Variants in SLC25A43 observed in about 807,000 individuals in gnomAD.
SLC25A43 encodes solute carrier family 25, member 43.
A neutral mutation model predicts 22.8 loss-of-function variants in SLC25A43; 10 were observed. The ratio of observed to expected loss-of-function variants is 0.44; its 90% confidence interval spans 0.27 to 0.74. The LOEUF (loss-of-function observed/expected upper bound fraction) is 0.74, where lower values mean the gene tolerates loss of function less well. Among genes scored for constraint, SLC25A43 ranks in the 30% least tolerant of loss-of-function variants. The probability of loss-of-function intolerance (pLI) is 0.17; values close to 1 mark genes in which losing one functional copy is unlikely to be tolerated. For synonymous variants in SLC25A43, 106 were observed against 121.6 expected (o/e 0.87, Z 0.84); for missense variants, 233 against 279.1 (o/e 0.83, Z 1.18).
chrX:119,421,838 C>T (rs190254438), intron 3 of SLC25A43, among the ~76,000 whole-genome samples: 28 of 111,668 alleles, frequency 2.5e-4, no homozygotes, highest in Admixed American at 1.3e-3. Flanking sequence ...CTGCAGATGC[C>T]GTATTTTCAC....
chrX:119,452,394 T>C (rs919556504), intron 4 of SLC25A43, among the ~76,000 whole-genome samples: 9 of 109,248 alleles, frequency 8.2e-5, no homozygotes, highest in African/African-American at 3.0e-4. Context: ...TGGAGGTTCA[T>C]GGGCCCCTAA....
At chrX:119,411,443 T>A (rs1230816625) in intron 3 of SLC25A43, among the ~76,000 whole-genome samples, 1 of 104,262 alleles carries the variant, frequency 9.6e-6, no homozygotes, top group African/African-American at 3.6e-5. Flanking sequence ...GAGGTTGCAG[T>A]GAGCCAAGAT....
At chrX:119,401,181 C>G in intron 1 of SLC25A43, among the ~76,000 whole-genome samples, 1 of 111,265 alleles carries the variant, frequency 9.0e-6, no homozygotes, top group Non-Finnish European at 1.9e-5. Context: ...TGTCAGTGAC[C>G]GAGCTGAGCT....
chrX:119,442,508 G>T (rs753341646), intron 3 of SLC25A43, among the ~76,000 whole-genome samples: 1 of 111,890 alleles, frequency 8.9e-6, no homozygotes, highest in Non-Finnish European at 1.9e-5. Flanking sequence ...CAATATTTCA[G>T]TCTTACATTA....
chrX:119,399,676 C>T lies in SLC25A43; in HGVS notation c.273C>T (p.Arg91=). Residue 91 remains arginine, a splice_region_variant and synonymous_variant, in exon 1 of 5, where the codon CGC becomes CGT. Coordinates refer to ENST00000217909, the MANE Select transcript of SLC25A43 (RefSeq NM_145305.3). ...PCSAVQLAAY[R]KFVVLFTDDL... is the part of the protein sequence containing the mutation. ...GCGCCGTGCAGCTCGCCGCCTACCG[C>T]AAGTAAGAGCCGGGCGGGGCCGGGG... is the stretch of plus-strand genomic sequence containing the variant. 1 of 957,069 alleles carries T rather than the reference C, an allele frequency of 1.0e-6. No individual in the cohort carries two copies. The highest frequency in any genetic ancestry group is 3.6e-5 in the South Asian group (1 of 27,916). 78.9% of individuals were successfully genotyped at this position (957,069 alleles called of 1,213,427 possible). A position where few individuals can be genotyped will look rare whatever the true frequency, so the allele number is the denominator to read the frequency against.
At chrX:119,428,082 T>C (rs916534591) in intron 3 of SLC25A43, among the ~76,000 whole-genome samples, 3 of 112,221 alleles carry the variant, frequency 2.7e-5, no homozygotes, top group Non-Finnish European at 5.6e-5. Flanking sequence ...CCACATAAAC[T>C]TGTACATTTA....
intron 3 of SLC25A43, among the ~76,000 whole-genome samples, chrX:119,430,964 C>T (rs1319818565): frequency 8.9e-6 from 1 of 111,738 alleles, no homozygotes; most frequent in African/African-American, 3.3e-5. Context: ...CAGTGATGTG[C>T]GGTAACAAGT....
intron 3 of SLC25A43, among the ~76,000 whole-genome samples, chrX:119,430,228 C>T (rs777548928): frequency 3.1e-4 from 35 of 112,466 alleles, no homozygotes; most frequent in Non-Finnish European, 5.8e-4. Context: ...GTTTGTTCTT[C>T]AGCATACTTG....
chrX:119,426,860 A>G (rs1164956422), intron 3 of SLC25A43, among the ~76,000 whole-genome samples: 1 of 109,407 alleles, frequency 9.1e-6, no homozygotes, highest in East Asian at 2.9e-4. Flanking sequence ...CATGTTTCCT[A>G]TGATTACTAT....
chrX:119,418,332 G>A (rs1194727815), intron 3 of SLC25A43, among the ~76,000 whole-genome samples: 1 of 111,525 alleles, frequency 9.0e-6, no homozygotes, highest in African/African-American at 3.3e-5. Context: ...CCTTTGCAGG[G>A]CCACTGGGCT....
chrX:119,423,963 C>G (rs2052479828), intron 3 of SLC25A43: 1 of 110,429 alleles, frequency 9.1e-6, no homozygotes, highest in African/African-American at 3.3e-5. Context: ...GCCTGTAATC[C>G]TAGCACTTTC....
intron 3 of SLC25A43, among the ~76,000 whole-genome samples, chrX:119,420,009 G>A (rs2052438697): frequency 8.9e-6 from 1 of 112,285 alleles, no homozygotes; most frequent in African/African-American, 3.2e-5. Context: ...ATATTAATAT[G>A]TACTAGGCAC....
At chrX:119,435,457 C>CTTTTTTTTTTT (rs1175233726) in intron 3 of SLC25A43, among the ~76,000 whole-genome samples, 6 of 54,712 alleles carry the variant, frequency 1.1e-4, no homozygotes, top group Non-Finnish European at 1.6e-4. Context: ...AGATTTTATT[C>CTTTTTTTTTTT]TTTTTTTTTT....
At chrX:119,446,165 AAAAAAAAAAAAAAG>A (rs2052666297) in intron 3 of SLC25A43, among the ~76,000 whole-genome samples, 1 of 107,473 alleles carries the variant, frequency 9.3e-6, no homozygotes, top group Non-Finnish European at 1.9e-5. Flanking sequence ...AAAAAAAAAA[AAAAAAAAAAAAAAG>A]AAAGTCCAGA....
intron 3 of SLC25A43, among the ~76,000 whole-genome samples, chrX:119,442,093 AAAT>A (rs57726273): frequency 3.6e-5 from 4 of 110,432 alleles, no homozygotes; most frequent in East Asian, 2.8e-4. Flanking sequence ...CCATCTCAAA[AAAT>A]AATAATAATA....
At chrX:119,446,151 C>CAAAAAAAA (rs3078475) in intron 3 of SLC25A43, among the ~76,000 whole-genome samples, 1 of 38,695 alleles carries the variant, frequency 2.6e-5, no homozygotes, top group Non-Finnish European at 4.2e-5. Context: ...GACTCCATCT[C>CAAAAAAAA]AAAAAAAAAA....
In SLC25A43 at chrX:119,405,278, GATGTTTTTA is replaced by G. The variant is rs772366161; in HGVS notation, c.276-1179_276-1171del. On this transcript the variant is annotated intron_variant, in intron 1 of 4. Coordinates refer to ENST00000217909, the MANE Select transcript of SLC25A43 (RefSeq NM_145305.3). ...GAAGTCAAGACTCCTACAGCTTGAA[GATGTTTTTA>G]ATCAGTGAGTGTTTACTTGAAAGCA... 4.5e-5 allele frequency among the ~76,000 whole-genome samples: 5 copies of G among 111,644 alleles called. No homozygotes were observed. The South Asian group carries it at 1.5e-3, about 34-fold the overall frequency.
rs2052243766 is a variant in SLC25A43 at position 119,402,142 on chromosome X, A to G, written c.275+2464A>G. 3.6e-5 allele frequency among the ~76,000 whole-genome samples: 4 copies of G among 112,179 alleles called. No individual in the cohort carries two copies. The South Asian group carries it at 1.5e-3, about 42-fold the overall frequency. ...GATTCATTTCTACTCTTTTCTGACC[A>G]TGAATTTGCAAAACAGTTGGCTGGG... is the stretch of plus-strand genomic sequence containing the variant. On this transcript the variant is annotated intron_variant, in intron 1 of 4. Coordinates refer to ENST00000217909, the MANE Select transcript of SLC25A43 (RefSeq NM_145305.3).
intron 3 of SLC25A43, among the ~76,000 whole-genome samples, chrX:119,429,112 C>G (rs755661591): frequency 2.9e-5 from 3 of 103,351 alleles, no homozygotes; most frequent in African/African-American, 1.1e-4. Context: ...AGTGCAGTGG[C>G]GCAATTTCAG....
Sources: allele counts gnomAD v4.1 joint callset (sites outside exome capture counted in the v4.1 genomes callset), GRCh38; gene constraint gnomAD v4.1.1; transcripts MANE v1.5; gene names NCBI Gene and HGNC (gene_info 2026-07-23, HGNC 2026-07-21).